The following CHD9 variants were observed in gnomAD, a reference collection of about 807,000 sequenced individuals.
CHD9 encodes the protein ATP-dependent chromatin remodeler CHD9.
A neutral mutation model predicts 316.1 loss-of-function variants in CHD9; 77 were observed. The ratio of observed to expected loss-of-function variants is 0.24; its 90% CI spans 0.20 to 0.29. The LOEUF (loss-of-function observed/expected upper bound fraction) is 0.29, where lower values mean the gene tolerates loss of function less well. Ranked by LOEUF, CHD9 falls within the 10% of genes least tolerant of loss-of-function variation. CHD9 has a pLI of 1.00. For missense variants in CHD9, 2,763 were observed against 3,438.1 expected, an observed-to-expected ratio of 0.80 and a Z score of 4.91; for synonymous variants, 1,129 against 1,158.3, an observed-to-expected ratio of 0.97 and a Z score of 0.51.
Position 53,156,484 on chromosome 16 carries a change from C to A in CHD9, c.395C>A (p.Thr132Asn). ...ATGTGGGGCCATCAGACAGCTACTA[C>A]CATTTCAAATCAAAATGGATCTCCT... ...SPMWGHQTAT[T>N]ISNQNGSPFH... The change falls in exon 2 of 39, where the codon ACC (threonine) becomes AAC (asparagine). Residue 132 changes from threonine (T) to asparagine (N), a missense_variant. Around this residue, in one of 15 missense-constraint regions of CHD9, gnomAD observed 859 missense variants for 890.4 expected, o/e 0.96. Coordinates refer to ENST00000447540, the MANE Select transcript of CHD9 (RefSeq NM_001308319.2). 6.2e-7 allele frequency: 1 copy of A among 1,613,964 alleles called. No homozygotes were observed. The highest frequency in any genetic ancestry group is 8.5e-7 in the Non-Finnish European group (1 of 1,179,886).
chr16:53,241,221 A>G (rs2049054688), intron 12 of CHD9, among the ~76,000 whole-genome samples: 1 of 152,106 alleles, frequency 6.6e-6, no homozygotes, highest in African/African-American at 2.4e-5. Context: ...TATGTTTTCA[A>G]CCCTGTTTAA....
At chr16:53,098,423 C>T (rs182014231) in intron 1 of CHD9, among the ~76,000 whole-genome samples, 184 of 147,688 alleles carry the variant, frequency 1.2e-3, no homozygotes, top group Non-Finnish European at 2.0e-3. Flanking sequence ...TTGCAGTGAG[C>T]TGATATGGCT....
Position 53,209,491 on chromosome 16 carries a change from T to C in CHD9, c.1462T>C (p.Ser488Pro). ...HLCLQRQPPS[S>P]KKSDGSGTYT... ...ATTTTTGTTTCTGTAGCCTCCATCT[T>C]CCAAGAAGAGCGATGGTTCTGGGAC... The change falls in exon 3 of 39, where the codon TCC becomes CCC. Residue 488 changes from serine (S) to proline (P), a missense_variant. Physicochemically the swap from Ser to Pro is moderately conservative, Grantham distance 74. Transcript: ENST00000447540. 1 of 1,600,160 alleles carries C rather than the reference T, an allele frequency of 6.2e-7. No individual in the cohort carries two copies. Among genetic ancestry groups the C allele is most frequent in the Non-Finnish European group, 8.5e-7 (1 of 1,173,702 alleles).
In CHD9 at chr16:53,285,885, G is replaced by A. The variant is rs141399039; in HGVS notation, c.5071+186G>A. 2.3e-3 allele frequency among the ~76,000 whole-genome samples: 345 copies of A among 152,320 alleles called. 2 individuals carry two copies. Among genetic ancestry groups the A allele is most frequent in the African/African-American group, 7.4e-3 (307 of 41,572 alleles). ...ACATTACCTCGTGGGAGGGTGGCAT[G>A]TGTAACCTACCCTTCCTGGATGTAA... On this transcript the variant is annotated intron_variant, in intron 25 of 38. Coordinates refer to ENST00000447540, the MANE Select transcript of CHD9 (RefSeq NM_001308319.2).
intron 2 of CHD9, among the ~76,000 whole-genome samples, chr16:53,179,761 G>T (rs1464942745): frequency 6.6e-6 from 1 of 151,830 alleles, no homozygotes; most frequent in Non-Finnish European, 1.5e-5. Flanking sequence ...GCCTGGTGTG[G>T]TGGCACGCAC....
At chr16:53,095,839 C>A (rs1010401638) in intron 1 of CHD9, among the ~76,000 whole-genome samples, 5 of 152,148 alleles carry the variant, frequency 3.3e-5, no homozygotes, top group Admixed American at 2.0e-4. Flanking sequence ...GTGAATTTAT[C>A]AATTTACAAT....
rs936966551 is a variant in CHD9, at chr16:53,304,427, T to A, written c.6421T>A (p.Ser2141Thr). 6.3e-7 allele frequency: 1 copy of A among 1,599,218 alleles called. No homozygotes were observed. Among genetic ancestry groups the A allele is most frequent in the African/African-American group, 1.3e-5 (1 of 74,600 alleles). The change falls in exon 31 of 39, where the codon TCA becomes ACA. Residue 2141 changes from serine to threonine, a missense_variant. Ser to Thr is a moderately conservative substitution (Grantham distance 58). This residue lies in a region of CHD9 where 663 missense variants were observed against 751.2 expected (regional missense o/e 0.88). Transcript: ENST00000447540. ...SSDSDSDSER[S>T]SCSSRSSSSS... ...TGATTCTGACTCAGATTCTGAGAGA[T>A]CATCTTGTTCTTCCAGATCATCTTC...
At chr16:53,201,821 A>G (rs1394298850) in intron 2 of CHD9, among the ~76,000 whole-genome samples, 1 of 151,830 alleles carries the variant, frequency 6.6e-6, no homozygotes, top group African/African-American at 2.4e-5. Context: ...CTAAAAGGCA[A>G]AAATTTGGGG....
chr16:53,069,037 C>T (rs947844541), intron 1 of CHD9, among the ~76,000 whole-genome samples: 5 of 151,912 alleles, frequency 3.3e-5, no homozygotes, highest in African/African-American at 4.8e-5. Flanking sequence ...CAGGGTCTTG[C>T]TCTACTGCCC....
chr16:53,180,131 C>T lies in CHD9; in HGVS notation c.1452+22590C>T, dbSNP rs1370592924. 5.3e-5 allele frequency among the ~76,000 whole-genome samples: 8 copies of T among 151,214 alleles called. No individual in the cohort carries two copies. The East Asian group carries it at 1.4e-3, about 26-fold the overall frequency. ...AACCTCCACCTCAGCCTCAGCCTCCCGAGTAGCTGGGATTACAGTTGCCCA... is the reference window on the plus strand; with the variant it reads ...AACCTCCACCTCAGCCTCAGCCTCCTGAGTAGCTGGGATTACAGTTGCCCA... On this transcript the variant is annotated intron_variant, in intron 2 of 38. Coordinates refer to ENST00000447540, the MANE Select transcript of CHD9 (RefSeq NM_001308319.2).
chr16:53,100,299 T>G (rs2036740534), intron 1 of CHD9, among the ~76,000 whole-genome samples: 1 of 152,162 alleles, frequency 6.6e-6, no homozygotes, highest in Admixed American at 6.5e-5. Context: ...TGTACAGTCT[T>G]TGTGTCCTCT....
chr16:53,267,339 C>T lies in CHD9; in HGVS notation c.4366C>T (p.Pro1456Ser). The T allele has an allele frequency of 1.2e-6, 2 of 1,611,936 alleles. No individual in the cohort carries two copies. The highest frequency in any genetic ancestry group is 1.7e-6 in the Non-Finnish European group (2 of 1,178,814). Reference sequence around the variant, plus strand: ...TCCAAGAATTAGGAAGCAAACAAGACCTTTTAGTGCCACAAAAGATGAATT... The same window carrying T: ...TCCAAGAATTAGGAAGCAAACAAGATCTTTTAGTGCCACAAAAGATGAATT... Reference protein sequence around the residue: ...DTPRIRKQTRPFSATKDELAE... With the variant: ...DTPRIRKQTRSFSATKDELAE... Residue 1456 changes from proline (P) to serine (S), a missense_variant, in exon 21 of 39, where the codon CCT becomes TCT. By Grantham distance (74) the Pro-to-Ser change is moderately conservative (BLOSUM62 -1). Coordinates refer to ENST00000447540, the MANE Select transcript of CHD9 (RefSeq NM_001308319.2).
intron 17 of CHD9, among the ~76,000 whole-genome samples, chr16:53,252,115 C>T (rs764648999): frequency 6.6e-6 from 1 of 152,202 alleles, no homozygotes; most frequent in Non-Finnish European, 1.5e-5. Context: ...GCCAAAAGAA[C>T]AAATCTGAAG....
rs1235157830 is a variant in CHD9, at chr16:53,209,691, T to C, written c.1662T>C (p.Phe554=). Residue 554 remains phenylalanine, a synonymous_variant, in exon 3 of 39, where the codon TTT becomes TTC. Coordinates refer to ENST00000447540, the MANE Select transcript of CHD9 (RefSeq NM_001308319.2). ...CACGAGTAATGAGCCCTGAAAACTT[T>C]CCTACTGCTTCAGTTGAAGGAAAAG... ...NIPRVMSPEN[F]PTASVEGKEE... is the part of the protein sequence containing the mutation. 1 of 1,613,852 alleles carries C rather than the reference T, an allele frequency of 6.2e-7. No individual in the cohort carries two copies. The highest frequency in any genetic ancestry group is 2.2e-5 in the East Asian group (1 of 44,862).
In CHD9 at chr16:53,216,601, C is replaced by T. The variant is rs537569635; in HGVS notation, c.1785-6043C>T. 1.4e-4 allele frequency among the ~76,000 whole-genome samples: 22 copies of T among 152,298 alleles called. No homozygotes were observed. The East Asian group carries it at 4.2e-3, about 29-fold the overall frequency. ...TGGGACCAATACCTACCTGCCTTGC[C>T]TGTCTCAGAGTTTTTCTCAGAATCA... On this transcript the variant is annotated intron_variant, in intron 3 of 38. Transcript: ENST00000447540.
At chr16:53,249,810 A>G in intron 16 of CHD9, 61 bp from the exon 17 acceptor site, 1 of 1,292,666 alleles carries the variant, frequency 7.7e-7, no homozygotes, top group Non-Finnish European at 1.1e-6. Flanking sequence ...TACATTTGAT[A>G]GAATATGTCT....
intron 32 of CHD9, 88 bp from the exon 33 acceptor site, chr16:53,307,593 G>A (rs1180843164): frequency 1.6e-6 from 2 of 1,235,086 alleles, no homozygotes; most frequent in Admixed American, 5.1e-5. Flanking sequence ...TTGAACTAGG[G>A]TTAAATCCAT....
At chr16:53,072,511 CA>C (rs1209453041) in intron 1 of CHD9, among the ~76,000 whole-genome samples, 23 of 150,490 alleles carry the variant, frequency 1.5e-4, no homozygotes, top group African/African-American at 5.6e-4. Flanking sequence ...AAGCGACCCC[CA>C]ACCCCACCTC....
At chr16:53,152,989 C>T (rs2041237145) in intron 1 of CHD9, among the ~76,000 whole-genome samples, 1 of 152,054 alleles carries the variant, frequency 6.6e-6, no homozygotes, top group African/African-American at 2.4e-5. Flanking sequence ...CAAGTGAATA[C>T]CATATATAAC....
Sources: gnomAD v4.1 joint callset for allele counts (sites outside exome capture counted in the v4.1 genomes callset) on GRCh38, gnomAD v4.1.1 for gene constraint, gnomAD v4.1.1 regional missense constraint, MANE v1.5 for transcripts, NCBI Gene and HGNC (gene_info 2026-07-23, HGNC 2026-07-21) for gene names.